Variants in DGKD observed in about 807,000 individuals in gnomAD.
The protein encoded by DGKD is DAG kinase delta.
A neutral mutation model predicts 154.4 loss-of-function variants in DGKD; 68 were observed. That is an observed-to-expected ratio of 0.44 (90% CI 0.36 to 0.54). The LOEUF (loss-of-function observed/expected upper bound fraction) is 0.54, where lower values mean the gene tolerates loss of function less well. Ranked by LOEUF, DGKD falls within the 20% of genes least tolerant of loss-of-function variation. The pLI is 0.00. For synonymous variants in DGKD, 693 were observed against 638.0 expected (o/e 1.09, Z -1.30); for missense variants, 1,343 against 1,593.6 (o/e 0.84, Z 2.68).
Position 233,435,906 on chromosome 2 carries a change from C to T in DGKD, c.675C>T (p.Ile225=), listed in dbSNP as rs748145250. The change falls in exon 6 of 30, where the codon ATC becomes ATT. Residue 225 remains isoleucine, a synonymous_variant. Coordinates refer to ENST00000264057, the MANE Select transcript of DGKD (RefSeq NM_152879.3). ...CACTGGCCTCGATCGGGAAGGACAT[C>T]ATTGAAGATGCAGATGGGGTATGTT... ...WTTLASIGKD[I]IEDADGIAMP... The T allele has an allele frequency of 1.9e-6, 3 of 1,610,196 alleles. No individual in the cohort carries two copies. The highest frequency in any genetic ancestry group is 2.5e-6 in the Non-Finnish European group (3 of 1,178,200).
chr2:233,434,458 A>T lies in DGKD; in HGVS notation c.427A>T (p.Thr143Ser), dbSNP rs2062625285. Residue 143 changes from threonine (T) to serine (S), a missense_variant, in exon 4 of 30, where the codon ACT becomes TCT. Physicochemically the swap from Thr to Ser is moderately conservative, Grantham distance 58 (BLOSUM62 1). This residue lies in a region of DGKD where 332 missense variants were observed against 400.1 expected (regional missense o/e 0.83). Transcript: ENST00000264057. ...GGAAGATTGGATTGCAGCATTAAAG[A>T]CTGTGCAGAACAGGGAGCACTTTGA... is the stretch of plus-strand genomic sequence containing the variant. The part of the protein sequence containing the change: ...EMEDWIAALK[T>S]VQNREHFEPT... 6.2e-7 allele frequency: 1 copy of T among 1,614,016 alleles called. No homozygotes were observed. The highest frequency in any genetic ancestry group is 8.5e-7 in the Non-Finnish European group (1 of 1,180,010).
chr2:233,378,865 G>A (rs1157787126), intron 1 of DGKD, among the ~76,000 whole-genome samples: 6 of 152,270 alleles, frequency 3.9e-5, no homozygotes, highest in Admixed American at 6.5e-5. Flanking sequence ...GTGAGACCCC[G>A]CCTCTACAAA....
intron 1 of DGKD, among the ~76,000 whole-genome samples, chr2:233,365,195 T>G (rs1159254035): frequency 6.6e-6 from 1 of 152,096 alleles, no homozygotes; most frequent in East Asian, 1.9e-4. Flanking sequence ...ACAAAGAAAT[T>G]TGTAAAAGTG....
In DGKD at chr2:233,438,889, C is replaced by T. The variant is rs535516518; in HGVS notation, c.1085+510C>T. ...CATTGAGGAAGAAGCTGTCCTGCAG[C>T]GAGGCCAGGAGGAGTGTTTGCTGAG... On this transcript the variant is annotated intron_variant, in intron 9 of 29. Coordinates refer to ENST00000264057, the MANE Select transcript of DGKD (RefSeq NM_152879.3). This position sits in a 1 kb window ranked among gnomAD's most constrained non-coding sequence, Gnocchi z 4.1. 2.3e-4 allele frequency among the ~76,000 whole-genome samples: 35 copies of T among 152,188 alleles called. No individual in the cohort carries two copies. The highest frequency in any genetic ancestry group is 4.1e-4 in the Non-Finnish European group (28 of 68,028).
intron 18 of DGKD, among the ~76,000 whole-genome samples, chr2:233,453,052 G>C (rs973866593): frequency 6.6e-6 from 1 of 152,196 alleles, no homozygotes; most frequent in African/African-American, 2.4e-5. Flanking sequence ...GGGGAGGCCA[G>C]AGCTGTAGTC....
chr2:233,438,792 A>ATCTATCTATCTG lies in DGKD; in HGVS notation c.1085+424_1085+425insGTCTATCTATCT, dbSNP rs1559549906. On this transcript the variant is annotated intron_variant, in intron 9 of 29. Transcript: ENST00000264057. The surrounding 1 kb of genome is among the most constrained non-coding windows in gnomAD (Gnocchi z 4.1). ...TATCTATCTATCTATCTATCTATCT[A>ATCTATCTATCTG]TCTATCTATCTATCTATCTATCTGT... Among the ~76,000 whole-genome samples, 12 of 148,044 alleles carry ATCTATCTATCTG rather than the reference A, an allele frequency of 8.1e-5. No homozygotes were observed. The highest frequency in any genetic ancestry group is 2.6e-4 in the African/African-American group (10 of 38,214).
At chr2:233,431,189 A>T (rs564870044) in intron 3 of DGKD, among the ~76,000 whole-genome samples, 8 of 152,368 alleles carry the variant, frequency 5.3e-5, no homozygotes, top group Non-Finnish European at 8.8e-5. Context: ...CCAACAGTGC[A>T]CAATCTGCAA....
chr2:233,448,322 G>A lies in DGKD; in HGVS notation c.1561G>A (p.Ala521Thr). 1 of 1,614,148 alleles carries A rather than the reference G, an allele frequency of 6.2e-7. No homozygotes were observed. Among genetic ancestry groups the A allele is most frequent in the African/African-American group, 1.3e-5 (1 of 75,040 alleles). ...GGACTTCGTGGCACGGGTGGGGAAG[G>A]CCTATGAGAAGACGACCGAGAGCTC... ...VKDFVARVGK[A>T]YEKTTESSEE... The change falls in exon 14 of 30, where the codon GCC (alanine) becomes ACC (threonine). Residue 521 changes from alanine (A) to threonine (T), a missense_variant. By Grantham distance (58) the Ala-to-Thr change is moderately conservative (BLOSUM62 0). Transcript: ENST00000264057.
chr2:233,363,986 G>A (rs998790418), intron 1 of DGKD, among the ~76,000 whole-genome samples: 4 of 152,162 alleles, frequency 2.6e-5, no homozygotes, highest in African/African-American at 9.7e-5. Flanking sequence ...CTGTAGCACC[G>A]TTGAAAACCA....
chr2:233,426,614 T>C (rs900451853), intron 3 of DGKD, among the ~76,000 whole-genome samples: 1 of 152,350 alleles, frequency 6.6e-6, no homozygotes, highest in East Asian at 1.9e-4. Flanking sequence ...GTTGTAAGAT[T>C]CATTACATTA....
intron 1 of DGKD, among the ~76,000 whole-genome samples, chr2:233,373,563 G>A (rs1702429930): frequency 6.6e-6 from 1 of 152,136 alleles, no homozygotes; most frequent in South Asian, 2.1e-4. Context: ...CAGCTGAAAC[G>A]ATACTGTTGG....
intron 24 of DGKD, 119 bp from the exon 25 acceptor site, chr2:233,462,229 C>A: frequency 2.7e-6 from 2 of 741,282 alleles, no homozygotes; most frequent in Non-Finnish European, 4.4e-6. Context: ...TGTCGTCCTG[C>A]TGGGCCTGCC....
chr2:233,441,185 C>G lies in DGKD; in HGVS notation c.1086-702C>G, dbSNP rs1177456668. On this transcript the variant is annotated intron_variant, in intron 9 of 29. Coordinates refer to ENST00000264057, the MANE Select transcript of DGKD (RefSeq NM_152879.3). This position sits in a 1 kb window ranked among gnomAD's most constrained non-coding sequence, Gnocchi z 5.6. Reference sequence around the variant, plus strand: ...AGGAGTGAGCAGAAGCGGCACTGGTCTCCTGAGTGGGGACGCTGCTGGGCA... The same window carrying G: ...AGGAGTGAGCAGAAGCGGCACTGGTGTCCTGAGTGGGGACGCTGCTGGGCA... Among the ~76,000 whole-genome samples the G allele has an allele frequency of 1.3e-5, 2 of 152,082 alleles. No individual in the cohort carries two copies. Among genetic ancestry groups the G allele is most frequent in the Non-Finnish European group, 2.9e-5 (2 of 68,018 alleles).
At chr2:233,469,339 C>T (rs756403975) in intron 29 of DGKD, 32 bp from the exon 30 acceptor site, 21 of 1,578,234 alleles carry the variant, frequency 1.3e-5, no homozygotes, top group South Asian at 4.6e-5. Context: ...GCTGTCTTCT[C>T]GGCATCCATG....
chr2:233,432,194 A>C (rs75085944), intron 3 of DGKD, among the ~76,000 whole-genome samples: 8,861 of 90,698 alleles, frequency 0.098, 114 homozygotes, highest in Admixed American at 0.13. Context: ...GATCGTGACC[A>C]TCCTGGCTAA....
At chr2:233,421,831 C>T (rs2062125769) in intron 3 of DGKD, among the ~76,000 whole-genome samples, 1 of 152,244 alleles carries the variant, frequency 6.6e-6, no homozygotes, top group South Asian at 2.1e-4. Context: ...TCAAATGTAA[C>T]TTCCGCAGGA....
At chr2:233,392,471 G>A (rs912712418) in intron 3 of DGKD, 4 of 152,200 alleles carry the variant, frequency 2.6e-5, no homozygotes, top group African/African-American at 9.7e-5. Flanking sequence ...TTTTGGGTGA[G>A]AATGTAGCCT....
Position 233,380,949 on chromosome 2 carries a change from A to G in DGKD, c.157-7308A>G, listed in dbSNP as rs114856395. Among the ~76,000 whole-genome samples, 995 of 152,130 alleles carry G rather than the reference A, an allele frequency of 6.5e-3. 13 individuals carry two copies. The highest frequency in any genetic ancestry group is 0.021 in the African/African-American group (870 of 41,506). ...GGTCGTTTTTAATAATCCTGGTGGC[A>G]GTGCATTGAAAACCAGGGTAGTGGC... On this transcript the variant is annotated intron_variant, in intron 1 of 29. Transcript: ENST00000264057.
chr2:233,436,821 CAGTG>C (rs2062713609), intron 7 of DGKD, among the ~76,000 whole-genome samples: 1 of 152,224 alleles, frequency 6.6e-6, no homozygotes, highest in South Asian at 2.1e-4. Flanking sequence ...GCAGTGTTGA[CAGTG>C]AGCACAGCCA....
Sources: gnomAD v4.1 joint callset for allele counts (sites outside exome capture counted in the v4.1 genomes callset) on GRCh38, gnomAD v4.1.1 for gene constraint, gnomAD v4.1.1 regional missense constraint, Gnocchi (gnomAD v3.1) non-coding constraint, MANE v1.5 for transcripts, NCBI Gene and HGNC (gene_info 2026-07-23, HGNC 2026-07-21) for gene names.